The following SGCZ variants were observed in gnomAD, a reference collection of about 807,000 sequenced individuals.
SGCZ encodes the protein zeta-sarcoglycan.
Under a neutral mutation model 41.3 loss-of-function variants are expected in SGCZ, and 40 were observed. The observed-to-expected ratio is 0.97, with a 90% CI of 0.75 to 1.26. SGCZ has a LOEUF of 1.26. SGCZ is among the 50% of genes most tolerant of loss of function. SGCZ has a pLI of 0.00. For synonymous variants in SGCZ, 206 were observed against 137.5 expected (o/e 1.50, Z -3.49); for missense variants, 552 against 369.8 (o/e 1.49, Z -4.04).
At chr8:15,237,308 C>T (rs1288035004) in intron 1 of SGCZ, among the ~76,000 whole-genome samples, 1 of 152,144 alleles carries the variant, frequency 6.6e-6, no homozygotes, top group African/African-American at 2.4e-5. Context: ...CCAAATGCTG[C>T]CGTCACGGAC....
chr8:14,217,579 T>C (rs1051751581), intron 4 of SGCZ, among the ~76,000 whole-genome samples: 20 of 151,214 alleles, frequency 1.3e-4, no homozygotes, highest in African/African-American at 4.9e-4. Flanking sequence ...CACATGATGA[T>C]TTTGAGAGAT....
At chr8:14,540,929 T>C (rs1261921904) in intron 2 of SGCZ, among the ~76,000 whole-genome samples, 1 of 151,554 alleles carries the variant, frequency 6.6e-6, no homozygotes, top group African/African-American at 2.4e-5. Flanking sequence ...GATTGTTTAG[T>C]TGATGTTAAC....
intron 1 of SGCZ, among the ~76,000 whole-genome samples, chr8:14,619,774 C>G (rs893951107): frequency 6.6e-6 from 1 of 152,086 alleles, no homozygotes. Flanking sequence ...ACAAACCACG[C>G]TCAACGAAAT....
intron 2 of SGCZ, among the ~76,000 whole-genome samples, chr8:14,372,370 G>A (rs1423917592): frequency 6.6e-6 from 1 of 152,068 alleles, no homozygotes; most frequent in Non-Finnish European, 1.5e-5. Flanking sequence ...TTCTTTTGTT[G>A]AACAAATTCT....
chr8:14,826,119 C>A lies in SGCZ; in HGVS notation c.40-271193G>T, dbSNP rs73533102. 2.3e-4 allele frequency among the ~76,000 whole-genome samples: 32 copies of A among 137,512 alleles called. 2 individuals carry two copies. In the South Asian group the frequency reaches 8.2e-3, roughly 35 times the overall value. 90.2% of individuals were successfully genotyped at this position (137,512 alleles called of 152,430 possible). A position where few individuals can be genotyped will look rare whatever the true frequency, so the allele number is the denominator to read the frequency against. On this transcript the variant is annotated intron_variant, in intron 1 of 7. Coordinates refer to ENST00000382080, the MANE Select transcript of SGCZ (RefSeq NM_139167.4). ...CCACCTATGTCCCCAAAGTGTGATG[C>A]TCCCCTTCCTGTGTCCATGCCTTCT... is the stretch of plus-strand genomic sequence containing the variant.
chr8:14,961,297 T>G (rs1800959453), intron 1 of SGCZ, among the ~76,000 whole-genome samples: 1 of 152,144 alleles, frequency 6.6e-6, no homozygotes, highest in Non-Finnish European at 1.5e-5. Flanking sequence ...GACCTGTTGT[T>G]TACTGTAGAA....
In SGCZ at chr8:14,686,270, G is replaced by T. The variant is rs191571331; in HGVS notation, c.40-131344C>A. On this transcript the variant is annotated intron_variant, in intron 1 of 7. Transcript: ENST00000382080. ...AGAAAGGATATCCAAATGAATAATT[G>T]CTGTAATATGTTGTAAGCACTAAAT... Among the ~76,000 whole-genome samples the T allele has an allele frequency of 2.1e-3, 318 of 152,122 alleles. 2 individuals carry two copies. The highest frequency in any genetic ancestry group is 7.5e-3 in the African/African-American group (311 of 41,540).
At position 14,992,824 on chromosome 8, in the gene SGCZ, C is replaced by T. The variant is rs190685644; in HGVS notation, c.39+244761G>A. On this transcript the variant is annotated intron_variant, in intron 1 of 7. Transcript: ENST00000382080. ...TGTTACCCTTGATATTTACCCCTCC[C>T]CCATCCTCCTCATTCAATCTACTCT... Among the ~76,000 whole-genome samples, 510 of 148,398 alleles carry T rather than the reference C, an allele frequency of 3.4e-3. 1 individual carries two copies. The highest frequency in any genetic ancestry group is 0.012 in the African/African-American group (495 of 40,084).
rs75328560 is a variant in SGCZ, at chr8:14,154,764, T to A, written c.547+9816A>T. Reference sequence around the variant, plus strand: ...CCTCTCTCCCTCTTTGAAGGCTTACTCTTCTAATACAGGCACCATGAATTA... The same window carrying A: ...CCTCTCTCCCTCTTTGAAGGCTTACACTTCTAATACAGGCACCATGAATTA... On this transcript the variant is annotated intron_variant, in intron 5 of 7. Coordinates refer to ENST00000382080, the MANE Select transcript of SGCZ (RefSeq NM_139167.4). Among the ~76,000 whole-genome samples the A allele has an allele frequency of 4.2e-3, 633 of 152,238 alleles. 7 individuals are homozygous for A. The highest frequency in any genetic ancestry group is 0.015 in the African/African-American group (623 of 41,526).
At chr8:15,095,805 A>G (rs374820997) in intron 1 of SGCZ, among the ~76,000 whole-genome samples, 208 of 152,292 alleles carry the variant, frequency 1.4e-3, no homozygotes, top group African/African-American at 4.8e-3. Context: ...CAAATCAAAC[A>G]AAATGCATCT....
intron 1 of SGCZ, among the ~76,000 whole-genome samples, chr8:15,035,759 A>C (rs1323688849): frequency 6.6e-6 from 1 of 152,132 alleles, no homozygotes; most frequent in Non-Finnish European, 1.5e-5. Flanking sequence ...CACAATAATA[A>C]AGGGATCAAT....
chr8:14,708,767 T>C (rs889143536), intron 1 of SGCZ, among the ~76,000 whole-genome samples: 3 of 151,936 alleles, frequency 2.0e-5, no homozygotes, highest in Non-Finnish European at 2.9e-5. Context: ...AGATTCTATA[T>C]GATATGGCTT....
chr8:15,185,323 T>C (rs373454085), intron 1 of SGCZ, among the ~76,000 whole-genome samples: 1 of 152,186 alleles, frequency 6.6e-6, no homozygotes, highest in African/African-American at 2.4e-5. Context: ...TAGAAATGTA[T>C]GAGAATTAAA....
intron 1 of SGCZ, among the ~76,000 whole-genome samples, chr8:14,985,162 G>T (rs2130885605): frequency 6.6e-6 from 1 of 152,206 alleles, no homozygotes; most frequent in Middle Eastern, 3.4e-3. Context: ...GATGCTTATT[G>T]TTGTCTCCCT....
intron 5 of SGCZ, among the ~76,000 whole-genome samples, chr8:14,122,439 C>G (rs904463015): frequency 6.6e-6 from 1 of 152,122 alleles, no homozygotes; most frequent in Non-Finnish European, 1.5e-5. Context: ...CCAAAGAGTT[C>G]TTTATGTGCA....
chr8:14,237,655 CAGACTGTA>C lies in SGCZ; in HGVS notation c.353_360del (p.Leu118Ter). On this transcript the variant is annotated frameshift_variant, in exon 4 of 8. Transcript: ENST00000382080. LOFTEE classifies it high-confidence loss of function. Reference sequence around the variant, plus strand: ...CTTGCATTCACTGTGACATTCCTGTCAGACTGTAAGACCAGCGGACTATCCTGGGAAAC... The same window carrying C: ...CTTGCATTCACTGTGACATTCCTGTCAGACCAGCGGACTATCCTGGGAAAC... 3 of 1,613,872 alleles carry C rather than the reference CAGACTGTA, an allele frequency of 1.9e-6. No individual in the cohort carries two copies. The highest frequency in any genetic ancestry group is 2.5e-6 in the Non-Finnish European group (3 of 1,179,842).
rs528219655 is a variant in SGCZ, at chr8:14,113,017, A to C, written c.548-4782T>G. Among the ~76,000 whole-genome samples the C allele has an allele frequency of 6.6e-5, 10 of 152,206 alleles. 1 individual carries two copies. The South Asian group carries it at 1.0e-3, about 16-fold the overall frequency. ...TTACCTCTCGAAAGAAGAAATGTCAACCTATTTCAACATATACTACATCTC... is the reference window on the plus strand; with the variant it reads ...TTACCTCTCGAAAGAAGAAATGTCACCCTATTTCAACATATACTACATCTC... On this transcript the variant is annotated intron_variant, in intron 5 of 7. Coordinates refer to ENST00000382080, the MANE Select transcript of SGCZ (RefSeq NM_139167.4).
intron 1 of SGCZ, among the ~76,000 whole-genome samples, chr8:14,989,533 A>T (rs909074047): frequency 2.6e-5 from 4 of 152,108 alleles, no homozygotes; most frequent in Non-Finnish European, 4.4e-5. Flanking sequence ...ATATGCCCTG[A>T]GAGGTCTATC....
chr8:14,988,343 C>A (rs1801897208), intron 1 of SGCZ, among the ~76,000 whole-genome samples: 1 of 150,898 alleles, frequency 6.6e-6, no homozygotes, highest in Non-Finnish European at 1.5e-5. Flanking sequence ...ACCATACTTT[C>A]TTTTTTTTTA....
Sources: gnomAD v4.1 joint callset for allele counts (sites outside exome capture counted in the v4.1 genomes callset) on GRCh38, gnomAD v4.1.1 for gene constraint, MANE v1.5 for transcripts, NCBI Gene and HGNC (gene_info 2026-07-23, HGNC 2026-07-21) for gene names.